Variants in RBFOX1 observed in about 807,000 individuals in gnomAD.
The protein encoded by RBFOX1 is RNA binding fox-1 homolog 1, also known as RNA binding protein fox-1 homolog 1.
RBFOX1 carries 8 observed loss-of-function variants against 57.7 expected under a neutral mutation model. The observed-to-expected ratio is 0.14, with a 90% CI of 0.08 to 0.25. The LOEUF (loss-of-function observed/expected upper bound fraction) is 0.25, where lower values mean the gene tolerates loss of function less well. Among genes scored for constraint, RBFOX1 ranks in the 10% least tolerant of loss-of-function variants. RBFOX1 has a pLI of 1.00. For synonymous variants in RBFOX1, 326 were observed against 222.4 expected, an observed-to-expected ratio of 1.47 and a Z score of -4.15; for missense variants, 611 against 548.5, an observed-to-expected ratio of 1.11 and a Z score of -1.14.
At chr16:7,341,776 C>CTCTTTCCT (rs1377056870) in intron 4 of RBFOX1, among the ~76,000 whole-genome samples, 1,061 of 95,202 alleles carry the variant, frequency 0.011, 13 homozygotes, top group Middle Eastern at 0.025. Context: ...CCCTCCCTCC[C>CTCTTTCCT]TCCTTCCTTC....
At chr16:6,864,453 A>T (rs1178610615) in intron 3 of RBFOX1, among the ~76,000 whole-genome samples, 1 of 152,124 alleles carries the variant, frequency 6.6e-6, no homozygotes, top group Non-Finnish European at 1.5e-5. Flanking sequence ...TGACATCATC[A>T]TGCCCGAAAA....
At chr16:7,481,976 G>A (rs1485486427) in intron 4 of RBFOX1, among the ~76,000 whole-genome samples, 1 of 152,160 alleles carries the variant, frequency 6.6e-6, no homozygotes, top group Admixed American at 6.5e-5. Flanking sequence ...CGCGAGATAC[G>A]GTTTCTCCTG....
chr16:5,666,472 C>T (rs1372352441), intron 3 of RBFOX1, among the ~76,000 whole-genome samples: 3 of 152,136 alleles, frequency 2.0e-5, no homozygotes, highest in Admixed American at 6.5e-5. Context: ...CAGACATTAT[C>T]CTAGATCCCA....
intron 3 of RBFOX1, among the ~76,000 whole-genome samples, chr16:6,977,159 C>G (rs114283509): frequency 0.021 from 2,917 of 140,312 alleles, 97 homozygotes; most frequent in African/African-American, 0.072. Context: ...TCATATATAT[C>G]ATATATTATC....
chr16:7,318,646 TTAAA>T (rs1297636124), intron 4 of RBFOX1, among the ~76,000 whole-genome samples: 1 of 152,202 alleles, frequency 6.6e-6, no homozygotes, highest in African/African-American at 2.4e-5. Context: ...AGAACGTTTG[TTAAA>T]TAAAGTGTCA....
At position 6,461,222 on chromosome 16, in the gene RBFOX1, G is replaced by A. The variant is rs544480823; in HGVS notation, c.-64+144165G>A. 2.0e-5 allele frequency among the ~76,000 whole-genome samples: 3 copies of A among 152,142 alleles called. No individual in the cohort carries two copies. The East Asian group carries it at 5.8e-4, about 29-fold the overall frequency. On this transcript the variant is annotated intron_variant, in intron 2 of 15. Transcript: ENST00000550418. ...CATGGCACGCATTTACCTATGTAGT[G>A]CACCCACACATCCTGCACATGTATC...
intron 1 of RBFOX1, among the ~76,000 whole-genome samples, chr16:5,442,083 C>G (rs546863017): frequency 1.7e-4 from 26 of 152,158 alleles, no homozygotes; most frequent in Admixed American, 3.3e-4. Flanking sequence ...GGGAGTTTTG[C>G]TAGAAGTAGG....
intron 14 of RBFOX1, among the ~76,000 whole-genome samples, chr16:7,701,740 T>C (rs1004464639): frequency 2.0e-5 from 3 of 151,900 alleles, no homozygotes; most frequent in Admixed American, 6.6e-5. Flanking sequence ...AAGGCTATAG[T>C]AACCACAGAG....
At chr16:6,918,963 A>G (rs2153449951) in intron 3 of RBFOX1, among the ~76,000 whole-genome samples, 3 of 152,178 alleles carry the variant, frequency 2.0e-5, no homozygotes, top group Admixed American at 2.0e-4. Flanking sequence ...TCTCCATTTA[A>G]TAACAACAGC....
At chr16:7,546,881 G>T (rs2084697603) in intron 5 of RBFOX1, among the ~76,000 whole-genome samples, 1 of 152,154 alleles carries the variant, frequency 6.6e-6, no homozygotes, top group Non-Finnish European at 1.5e-5. Context: ...ACACTACCGT[G>T]ATTGTTTCTG....
chr16:7,325,998 C>G (rs187006397), intron 4 of RBFOX1, among the ~76,000 whole-genome samples: 11 of 152,242 alleles, frequency 7.2e-5, no homozygotes, highest in Admixed American at 4.6e-4. Flanking sequence ...TTCTTGATGA[C>G]TCAGCAGGTA....
intron 3 of RBFOX1, among the ~76,000 whole-genome samples, chr16:6,899,355 G>T (rs936544038): frequency 1.3e-5 from 2 of 152,204 alleles, no homozygotes; most frequent in South Asian, 4.1e-4. Context: ...TTAGCATCAG[G>T]CATTTTCTTC....
intron 2 of RBFOX1, among the ~76,000 whole-genome samples, chr16:5,582,130 A>G (rs1596338621): frequency 6.6e-6 from 1 of 151,896 alleles, no homozygotes; most frequent in South Asian, 2.1e-4. Context: ...GTCTCGAGGG[A>G]GCCCTAATCC....
chr16:5,584,823 C>A (rs956598691), intron 2 of RBFOX1, among the ~76,000 whole-genome samples: 3 of 152,014 alleles, frequency 2.0e-5, no homozygotes, highest in Non-Finnish European at 1.5e-5. Flanking sequence ...TGATACAGAC[C>A]CTATTAATTT....
intron 1 of RBFOX1, among the ~76,000 whole-genome samples, chr16:5,325,933 G>C (rs1441024530): frequency 6.6e-6 from 1 of 152,114 alleles, no homozygotes; most frequent in Admixed American, 6.6e-5. Flanking sequence ...ATTTCTTAAG[G>C]GTAAATACCT....
chr16:7,476,402 T>C (rs1241503573), intron 4 of RBFOX1, among the ~76,000 whole-genome samples: 2 of 152,246 alleles, frequency 1.3e-5, no homozygotes, highest in African/African-American at 4.8e-5. Flanking sequence ...ATGATATCTA[T>C]ATAACACGCT....
chr16:6,503,776 G>A (rs1042861977), intron 2 of RBFOX1, among the ~76,000 whole-genome samples: 5 of 152,088 alleles, frequency 3.3e-5, no homozygotes, highest in African/African-American at 9.7e-5. Context: ...GTGATGTCTC[G>A]CGATGGAGGA....
At chr16:5,569,467 T>TTTTTTTTTTTTTTTTTTTTTTTTTTTTG (rs1567240836) in intron 2 of RBFOX1, among the ~76,000 whole-genome samples, 1 of 83,428 alleles carries the variant, frequency 1.2e-5, no homozygotes, top group Non-Finnish European at 2.4e-5. Context: ...TTTTTTTTTT[T>TTTTTTTTTTTTTTTTTTTTTTTTTTTTG]CTTCTTCTTT....
upstream of RBFOX1, among the ~76,000 whole-genome samples, chr16:6,017,611 G>C (rs896972431): frequency 2.6e-5 from 4 of 152,104 alleles, no homozygotes; most frequent in Admixed American, 2.6e-4. Context: ...AAAATCGCTG[G>C]GACCAATGAT....
Sources: gnomAD v4.1 joint callset for allele counts (sites outside exome capture counted in the v4.1 genomes callset) on GRCh38, gnomAD v4.1.1 for gene constraint, MANE v1.5 for transcripts, NCBI Gene and HGNC (gene_info 2026-07-23, HGNC 2026-07-21) for gene names.